The following DYM variants were observed in gnomAD, a reference collection of about 807,000 sequenced individuals.
The protein encoded by DYM is dymeclin, also known as dyggve-Melchior-Clausen syndrome protein.
Under a neutral mutation model 93.1 loss-of-function variants are expected in DYM, and 78 were observed. That is an observed-to-expected ratio of 0.84 (90% CI 0.70 to 1.01). The LOEUF is 1.01. DYM is among the 50% of genes least tolerant of loss of function. The pLI, the probability that DYM is intolerant of heterozygous loss-of-function variation, is 0.00. For synonymous variants in DYM, 321 were observed against 319.7 expected (o/e 1.00, Z -0.04); for missense variants, 789 against 845.0 (o/e 0.93, Z 0.82).
chr18:49,377,817 C>T (rs899551717), intron 5 of DYM, among the ~76,000 whole-genome samples: 4 of 152,168 alleles, frequency 2.6e-5, no homozygotes, highest in Admixed American at 6.5e-5. Flanking sequence ...TGCATGAAAT[C>T]CACATAGCAC....
At chr18:49,188,283 G>A (rs2090638502) in intron 14 of DYM, among the ~76,000 whole-genome samples, 1 of 152,184 alleles carries the variant, frequency 6.6e-6, no homozygotes, top group Non-Finnish European at 1.5e-5. Context: ...GAGGTGGGAA[G>A]TAGAAGTACT....
chr18:49,379,297 G>A (rs1178289744), intron 4 of DYM, among the ~76,000 whole-genome samples: 3 of 151,964 alleles, frequency 2.0e-5, no homozygotes, highest in Non-Finnish European at 4.4e-5. Context: ...GAATATAACG[G>A]AAATAACTGC....
intron 15 of DYM, among the ~76,000 whole-genome samples, chr18:49,137,008 AATT>A (rs2083928222): frequency 6.6e-6 from 1 of 152,204 alleles, no homozygotes. Flanking sequence ...ACAAAGCTAA[AATT>A]TACTTGGTAG....
At chr18:49,350,597 C>G (rs752125540) in intron 6 of DYM, among the ~76,000 whole-genome samples, 1 of 151,468 alleles carries the variant, frequency 6.6e-6, no homozygotes, top group Non-Finnish European at 1.5e-5. Context: ...TTCCAGCTAC[C>G]TGGGAGGCTG....
At chr18:49,334,599 G>A (rs761549587) in intron 6 of DYM, among the ~76,000 whole-genome samples, 10 of 152,006 alleles carry the variant, frequency 6.6e-5, no homozygotes, top group Non-Finnish European at 1.2e-4. Context: ...TAAGACCAAG[G>A]AAGTAGAAAC....
intron 8 of DYM, among the ~76,000 whole-genome samples, chr18:49,293,485 T>C (rs999355030): frequency 6.6e-6 from 1 of 152,148 alleles, no homozygotes; most frequent in African/African-American, 2.4e-5. Context: ...CTCTCCAGCA[T>C]CTGTTGTTTC....
chr18:49,236,310 C>T (rs996168721), intron 13 of DYM, among the ~76,000 whole-genome samples: 3 of 151,988 alleles, frequency 2.0e-5, no homozygotes, highest in African/African-American at 4.8e-5. Context: ...GAAACCCTGT[C>T]TCTATTAAAA....
chr18:49,246,334 C>T (rs569260445), intron 13 of DYM, among the ~76,000 whole-genome samples: 84 of 152,310 alleles, frequency 5.5e-4, no homozygotes, highest in Middle Eastern at 3.4e-3. Flanking sequence ...GTTAACACAA[C>T]ACTGTTTCTT....
At chr18:49,426,409 G>A (rs1328776931) in intron 2 of DYM, among the ~76,000 whole-genome samples, 2 of 98,114 alleles carry the variant, frequency 2.0e-5, no homozygotes, top group African/African-American at 8.0e-5. Flanking sequence ...GGTGGGGGGA[G>A]GGGGGAGGGA....
At chr18:49,226,897 T>C (rs1205878634) in intron 13 of DYM, among the ~76,000 whole-genome samples, 2 of 152,064 alleles carry the variant, frequency 1.3e-5, no homozygotes, top group East Asian at 3.8e-4. Flanking sequence ...CAAAGACATA[T>C]AATTCAGCCT....
chr18:49,391,550 C>T, intron 3 of DYM, 43 bp downstream of exon 3: 1 of 1,589,172 alleles, frequency 6.3e-7, no homozygotes, highest in Non-Finnish European at 8.6e-7. Context: ...AAATCTAAAA[C>T]AAAATTTGAA....
chr18:49,251,296 C>A (rs563283527), intron 13 of DYM, among the ~76,000 whole-genome samples: 1 of 152,098 alleles, frequency 6.6e-6, no homozygotes, highest in Admixed American at 6.5e-5. Flanking sequence ...TGGGTGAAGA[C>A]GACACACATG....
intron 16 of DYM, among the ~76,000 whole-genome samples, chr18:49,115,173 T>C (rs2081815496): frequency 6.6e-6 from 1 of 152,252 alleles, no homozygotes; most frequent in South Asian, 2.1e-4. Flanking sequence ...TGCACGTAAG[T>C]GCTTAGCAAG....
At position 49,124,270 on chromosome 18, in the gene DYM, T is replaced by C. The variant is rs368089061; in HGVS notation, c.1729-5344A>G. Reference sequence around the variant, plus strand: ...CTGTAATTCTAGCATTTGGGGAGACTGAGGCAGGAGGATCACTTGAGGCCA... The same window carrying C: ...CTGTAATTCTAGCATTTGGGGAGACCGAGGCAGGAGGATCACTTGAGGCCA... On this transcript the variant is annotated intron_variant, in intron 15 of 17. Transcript: ENST00000675505. Among the ~76,000 whole-genome samples the C allele has an allele frequency of 1.1e-3, 170 of 152,206 alleles. 4 individuals carry two copies. The South Asian group carries it at 0.033, about 29-fold the overall frequency.
chr18:49,289,753 A>ACG (rs1568181023), intron 8 of DYM, among the ~76,000 whole-genome samples: 18 of 40,390 alleles, frequency 4.5e-4, no homozygotes, highest in African/African-American at 1.6e-3. Context: ...ATATATATAT[A>ACG]TATATATATA....
intron 17 of DYM, among the ~76,000 whole-genome samples, chr18:49,067,412 T>A (rs1439239337): frequency 1.3e-5 from 2 of 148,500 alleles, no homozygotes; most frequent in African/African-American, 5.0e-5. Context: ...ATGTGAGTGT[T>A]ATGGAGGTTC....
intron 13 of DYM, among the ~76,000 whole-genome samples, chr18:49,249,703 C>T (rs183544933): frequency 6.6e-6 from 1 of 151,824 alleles, no homozygotes. Context: ...TATGTGTCAT[C>T]ATGAGTGCAG....
At chr18:49,162,220 C>T (rs181809677) in intron 15 of DYM, among the ~76,000 whole-genome samples, 33 of 152,292 alleles carry the variant, frequency 2.2e-4, no homozygotes, top group Non-Finnish European at 3.7e-4. Context: ...CCTCTAAGGT[C>T]AGGTGATGTC....
chr18:49,167,704 T>C (rs2088085892), intron 14 of DYM, among the ~76,000 whole-genome samples: 1 of 152,202 alleles, frequency 6.6e-6, no homozygotes. Flanking sequence ...GATGTTTGTA[T>C]GTAAATGGAT....
Sources: gnomAD v4.1 joint callset for allele counts (sites outside exome capture counted in the v4.1 genomes callset) on GRCh38, gnomAD v4.1.1 for gene constraint, MANE v1.5 for transcripts, NCBI Gene and HGNC (gene_info 2026-07-23, HGNC 2026-07-21) for gene names.